Variants in FAM169A observed in about 807,000 individuals in gnomAD.
The protein encoded by FAM169A is family with sequence similarity 169 member A.
Under a neutral mutation model 75.7 loss-of-function variants are expected in FAM169A, and 24 were observed. That is an observed-to-expected ratio of 0.32 (90% CI 0.23 to 0.45). The LOEUF is 0.45. Among genes scored for constraint, FAM169A ranks in the 20% least tolerant of loss-of-function variants. FAM169A has a pLI of 1.00. For missense variants in FAM169A, 673 were observed against 784.0 expected (o/e 0.86, Z 1.69); for synonymous variants, 271 against 271.0 (o/e 1.00, Z 0.00).
chr5:74,799,911 G>T, intron 10 of FAM169A: 1 of 902,982 alleles, frequency 1.1e-6, no homozygotes. Flanking sequence ...CTGCAACACG[G>T]ACAAGAGGGC....
intron 5 of FAM169A, among the ~76,000 whole-genome samples, chr5:74,833,515 G>T (rs1353006343): frequency 1.3e-5 from 2 of 152,042 alleles, no homozygotes; most frequent in Middle Eastern, 3.2e-3. Context: ...TCCTTTTATG[G>T]ACTATACGCA....
intron 11 of FAM169A, among the ~76,000 whole-genome samples, chr5:74,792,201 G>A (rs1259453816): frequency 2.0e-5 from 3 of 152,184 alleles, no homozygotes; most frequent in East Asian, 1.9e-4. Context: ...GGGTAGACTT[G>A]TAATGGTTAA....
Position 74,777,962 on chromosome 5 carries a change from TTGA to T in FAM169A, c.*3495_*3497del, listed in dbSNP as rs1398277386. On this transcript the variant is annotated 3_prime_UTR_variant, in exon 13 of 13. Transcript: ENST00000687041. ...TGACGATCCAGGATGATACAATCAC[TTGA>T]TGACAGAAGGTAAGCCTTTCTTACA... The T allele has an allele frequency of 6.6e-6, 1 of 152,038 alleles. No individual in the cohort carries two copies. The highest frequency in any genetic ancestry group is 1.9e-4 in the East Asian group (1 of 5,202). 9.4% of individuals were successfully genotyped at this position (152,038 alleles called of 1,614,324 possible).
intron 11 of FAM169A, among the ~76,000 whole-genome samples, chr5:74,788,908 A>T (rs1036905915): frequency 6.6e-6 from 1 of 152,032 alleles, no homozygotes; most frequent in Admixed American, 6.5e-5. Context: ...CCAAGTGGTG[A>T]CTCCAATTGC....
chr5:74,802,042 A>G (rs889361637), intron 8 of FAM169A, among the ~76,000 whole-genome samples: 1 of 152,184 alleles, frequency 6.6e-6, no homozygotes, highest in Non-Finnish European at 1.5e-5. Flanking sequence ...TTTCACACTC[A>G]ATCATTCCCA....
chr5:74,842,976 CAAG>C (rs1748962013), intron 1 of FAM169A, among the ~76,000 whole-genome samples: 1 of 150,666 alleles, frequency 6.6e-6, no homozygotes, highest in African/African-American at 2.4e-5. Context: ...TTCCAAGCAA[CAAG>C]AAAATTTAGT....
At chr5:74,847,819 C>A (rs1229524070) in intron 1 of FAM169A, among the ~76,000 whole-genome samples, 2 of 152,142 alleles carry the variant, frequency 1.3e-5, no homozygotes, top group Non-Finnish European at 2.9e-5. Flanking sequence ...AAAATGACTT[C>A]TCGGCTTATT....
chr5:74,801,083 T>G (rs1322353796), intron 9 of FAM169A, 53 bp from the exon 10 acceptor site: 3 of 1,342,156 alleles, frequency 2.2e-6, no homozygotes, highest in Non-Finnish European at 3.0e-6. Context: ...TTAAAAGGAC[T>G]ACCTATTAAA....
chr5:74,820,097 C>A (rs537000337), intron 5 of FAM169A, among the ~76,000 whole-genome samples: 3 of 149,046 alleles, frequency 2.0e-5, no homozygotes, highest in Non-Finnish European at 4.4e-5. Flanking sequence ...TGGGTTCAAG[C>A]AATTCTCATG....
chr5:74,844,741 C>G (rs978369037), intron 1 of FAM169A, among the ~76,000 whole-genome samples: 36 of 152,030 alleles, frequency 2.4e-4, no homozygotes, highest in Admixed American at 6.6e-4. Context: ...TGCTTGAACC[C>G]GGGAGGTGGA....
intron 5 of FAM169A, among the ~76,000 whole-genome samples, chr5:74,825,466 G>C (rs1438463911): frequency 2.0e-5 from 3 of 152,116 alleles, no homozygotes; most frequent in African/African-American, 4.8e-5. Flanking sequence ...TTTTAACAAA[G>C]AGCAGCTCCA....
At chr5:74,816,271 T>A (rs6893463) in intron 5 of FAM169A, among the ~76,000 whole-genome samples, 1,610 of 152,288 alleles carry the variant, frequency 0.011, 31 homozygotes, top group African/African-American at 0.037. Context: ...CTAGTTCTAG[T>A]TCTCAATACA....
intron 11 of FAM169A, among the ~76,000 whole-genome samples, chr5:74,793,311 A>G (rs1003938865): frequency 1.3e-5 from 2 of 150,112 alleles, no homozygotes; most frequent in African/African-American, 4.9e-5. Context: ...GAGACAGACC[A>G]AGAGTCCATT....
At position 74,838,945 on chromosome 5, in the gene FAM169A, A is replaced by G. The variant is rs1203800383; in HGVS notation, c.318+20T>C. ...GAAATGGCCTCAAAAGAAACACTCA[A>G]AATTAGAGGATCTTGTTACCTGCTT... On this transcript the variant is annotated intron_variant, in intron 4 of 12. Coordinates refer to ENST00000687041, the MANE Select transcript of FAM169A (RefSeq NM_001376049.1). 1.9e-6 allele frequency: 3 copies of G among 1,572,546 alleles called. No individual in the cohort carries two copies. The highest frequency in any genetic ancestry group is 1.7e-4 in the Middle Eastern group (1 of 5,976).
intron 11 of FAM169A, among the ~76,000 whole-genome samples, chr5:74,791,754 A>G (rs979281776): frequency 6.6e-6 from 1 of 152,154 alleles, no homozygotes; most frequent in Non-Finnish European, 1.5e-5. Flanking sequence ...CCCTTCAGGA[A>G]TGAAGGTTTG....
intron 7 of FAM169A, 119 bp downstream of exon 7, chr5:74,805,037 G>C (rs1746793904): frequency 2.5e-6 from 2 of 788,792 alleles, no homozygotes; most frequent in South Asian, 3.4e-5. Flanking sequence ...CTACCACTCT[G>C]GACTCTAAGA....
At chr5:74,791,214 G>A (rs1371348593) in intron 11 of FAM169A, among the ~76,000 whole-genome samples, 4 of 152,154 alleles carry the variant, frequency 2.6e-5, no homozygotes, top group Non-Finnish European at 5.9e-5. Context: ...TACTTAGCAG[G>A]GCTGCGGCAA....
intron 6 of FAM169A, among the ~76,000 whole-genome samples, chr5:74,810,629 A>T (rs555166399): frequency 2.6e-5 from 4 of 151,248 alleles, no homozygotes; most frequent in African/African-American, 9.7e-5. Context: ...GGGCACCTGT[A>T]GTCCCAGCTA....
Position 74,781,635 on chromosome 5 carries a change from T to C in FAM169A, c.1838A>G (p.Glu613Gly), listed in dbSNP as rs770532392. Residue 613 changes from glutamate to glycine, a missense_variant, in exon 13 of 13, where the codon GAG (glutamate) becomes GGG (glycine). Around this residue, in one of 3 missense-constraint regions of FAM169A, gnomAD observed 510 missense variants for 550.9 expected, o/e 0.93. Transcript: ENST00000687041. Reference sequence around the variant, plus strand: ...TTGCTCGGAAGATGCTTCAGACTGCTCCTCTGACTGATTCTTCTGTCCTGC... The same window carrying C: ...TTGCTCGGAAGATGCTTCAGACTGCCCCTCTGACTGATTCTTCTGTCCTGC... ...QNAGQKNQSEEQSEASSEQLD... is the reference protein window; with the variant it reads ...QNAGQKNQSEGQSEASSEQLD... 1 of 1,614,178 alleles carries C rather than the reference T, an allele frequency of 6.2e-7. No individual in the cohort carries two copies. The highest frequency in any genetic ancestry group is 8.5e-7 in the Non-Finnish European group (1 of 1,180,008).
Sources: allele counts gnomAD v4.1 joint callset (sites outside exome capture counted in the v4.1 genomes callset), GRCh38; gene constraint gnomAD v4.1.1; regional missense constraint gnomAD v4.1.1; transcripts MANE v1.5; gene names NCBI Gene and HGNC (gene_info 2026-07-23, HGNC 2026-07-21).